MDGA2: variants seen among roughly 807,000 people sequenced by gnomAD.
MDGA2 encodes MAM domain containing glycosylphosphatidylinositol anchor 2.
In MDGA2, 40 loss-of-function variants were observed where a neutral mutation model predicts 117.8. The ratio of observed to expected loss-of-function variants is 0.34; its 90% CI spans 0.26 to 0.44. MDGA2 has a LOEUF of 0.44. Ranked by LOEUF, MDGA2 falls within the 20% of genes least tolerant of loss-of-function variation. The probability of loss-of-function intolerance (pLI) is 1.00; values close to 1 mark genes in which losing one functional copy is unlikely to be tolerated. For synonymous variants in MDGA2, 452 were observed against 439.0 expected (o/e 1.03, Z -0.37); for missense variants, 1,123 against 1,250.6 (o/e 0.90, Z 1.54).
At chr14:47,318,416 T>C (rs1421515914) in intron 1 of MDGA2, among the ~76,000 whole-genome samples, 1 of 152,206 alleles carries the variant, frequency 6.6e-6, no homozygotes, top group South Asian at 2.1e-4. Context: ...TCTAATTGCT[T>C]ACCTAAAACT....
intron 2 of MDGA2, among the ~76,000 whole-genome samples, chr14:47,254,895 A>T (rs982574220): frequency 6.6e-6 from 1 of 152,246 alleles, no homozygotes; most frequent in African/African-American, 2.4e-5. Context: ...TCTTCTTCAC[A>T]TAGCAGCAGG....
intron 2 of MDGA2, among the ~76,000 whole-genome samples, chr14:47,284,638 CAT>C (rs1458752995): frequency 6.6e-6 from 1 of 152,128 alleles, no homozygotes; most frequent in Non-Finnish European, 1.5e-5. Flanking sequence ...ATCATTTGTA[CAT>C]GTGTCAGCCT....
chr14:46,866,680 C>T (rs1783022235), intron 14 of MDGA2, among the ~76,000 whole-genome samples: 1 of 148,978 alleles, frequency 6.7e-6, no homozygotes, highest in Admixed American at 6.7e-5. Flanking sequence ...ACAATGAACT[C>T]AAACAAATTT....
intron 1 of MDGA2, among the ~76,000 whole-genome samples, chr14:47,577,953 G>C (rs1020244373): frequency 6.6e-6 from 1 of 152,038 alleles, no homozygotes; most frequent in Non-Finnish European, 1.5e-5. Flanking sequence ...CCATCCTACG[G>C]CAAAGACACA....
At chr14:47,283,290 A>G (rs899849890) in intron 2 of MDGA2, among the ~76,000 whole-genome samples, 1 of 152,242 alleles carries the variant, frequency 6.6e-6, no homozygotes, top group African/African-American at 2.4e-5. Context: ...CTCTACCTTC[A>G]AGAAAAGTAA....
chr14:46,950,795 C>CAATAAATA (rs149725598), intron 9 of MDGA2, among the ~76,000 whole-genome samples: 1 of 150,856 alleles, frequency 6.6e-6, no homozygotes, highest in Admixed American at 6.6e-5. Flanking sequence ...AGCTGAATAG[C>CAATAAATA]AATAAATAAA....
At chr14:47,067,322 A>C (rs1890121982) in intron 6 of MDGA2, among the ~76,000 whole-genome samples, 1 of 152,226 alleles carries the variant, frequency 6.6e-6, no homozygotes, top group Non-Finnish European at 1.5e-5. Flanking sequence ...TTTGGGAAAC[A>C]ATGACCTAAG....
intron 1 of MDGA2, among the ~76,000 whole-genome samples, chr14:47,558,900 AG>A (rs1212312227): frequency 6.6e-6 from 1 of 152,186 alleles, no homozygotes; most frequent in East Asian, 1.9e-4. Context: ...GAAGTAAAAT[AG>A]GCAGCTATAA....
intron 3 of MDGA2, among the ~76,000 whole-genome samples, chr14:47,172,761 T>C (rs1261497150): frequency 6.6e-6 from 1 of 152,214 alleles, no homozygotes; most frequent in African/African-American, 2.4e-5. Flanking sequence ...TCCAAAGGAA[T>C]GCAGTTCCTC....
intron 3 of MDGA2, among the ~76,000 whole-genome samples, chr14:47,199,030 A>G (rs1183475271): frequency 6.6e-6 from 1 of 152,120 alleles, no homozygotes; most frequent in Non-Finnish European, 1.5e-5. Context: ...ACTCTGCCTA[A>G]GTTTCCATCC....
chr14:47,559,591 T>TA (rs1895756000), intron 1 of MDGA2, among the ~76,000 whole-genome samples: 1 of 151,044 alleles, frequency 6.6e-6, no homozygotes, highest in Non-Finnish European at 1.5e-5. Context: ...TTTTTTTTTT[T>TA]AGACAAAGTC....
At chr14:46,873,946 A>G in intron 13 of MDGA2, 99 bp downstream of exon 13, 1 of 1,060,546 alleles carries the variant, frequency 9.4e-7, no homozygotes, top group Non-Finnish European at 1.3e-6. Flanking sequence ...ATTTTATTCC[A>G]TAATCTTCAA....
intron 11 of MDGA2, among the ~76,000 whole-genome samples, chr14:46,878,518 A>G (rs147108105): frequency 4.5e-4 from 69 of 152,202 alleles, no homozygotes; most frequent in Non-Finnish European, 7.9e-4. Context: ...AAATATTCAT[A>G]TATAATTGCA....
At chr14:47,496,449 G>C (rs899815593) in intron 1 of MDGA2, among the ~76,000 whole-genome samples, 3 of 151,994 alleles carry the variant, frequency 2.0e-5, no homozygotes, top group Non-Finnish European at 2.9e-5. Context: ...AGGCTATGTT[G>C]CCCAGACTGG....
In MDGA2 at chr14:47,372,055, T is replaced by G. The variant is rs529745552; in HGVS notation, c.281-70505A>C. Reference sequence around the variant, plus strand: ...TAGAAAAGGAACTAAGCAAAAAATGTTGGATATTGCATTAACATCAGGAAT... The same window carrying G: ...TAGAAAAGGAACTAAGCAAAAAATGGTGGATATTGCATTAACATCAGGAAT... On this transcript the variant is annotated intron_variant, in intron 1 of 16. Coordinates refer to ENST00000399232, the MANE Select transcript of MDGA2 (RefSeq NM_001113498.3). 2.0e-5 allele frequency among the ~76,000 whole-genome samples: 3 copies of G among 151,820 alleles called. No individual in the cohort carries two copies. The South Asian group carries it at 6.2e-4, about 31-fold the overall frequency.
chr14:47,587,384 T>C (rs540242980), intron 1 of MDGA2, among the ~76,000 whole-genome samples: 2 of 151,998 alleles, frequency 1.3e-5, no homozygotes, highest in African/African-American at 4.8e-5. Flanking sequence ...CATGTTAAAA[T>C]TGAAAAAATA....
chr14:47,501,548 G>A (rs1894400567), intron 1 of MDGA2, among the ~76,000 whole-genome samples: 1 of 152,146 alleles, frequency 6.6e-6, no homozygotes, highest in African/African-American at 2.4e-5. Context: ...CAATACCTCA[G>A]AATGTGGGCT....
At chr14:47,612,594 T>C (rs1896871943) in intron 1 of MDGA2, among the ~76,000 whole-genome samples, 1 of 152,196 alleles carries the variant, frequency 6.6e-6, no homozygotes, top group South Asian at 2.1e-4. Flanking sequence ...ACAGCATTTA[T>C]AACGTAATTT....
rs539169123 is a variant in MDGA2 at position 47,202,543 on chromosome 14, A to G, written c.595+15478T>C. ...CTATAACCTAGCATGCCATTTGTCGATAGGAATTAAGAGCTGACCTTCCTG... is the reference window on the plus strand; with the variant it reads ...CTATAACCTAGCATGCCATTTGTCGGTAGGAATTAAGAGCTGACCTTCCTG... On this transcript the variant is annotated intron_variant, in intron 3 of 16. Transcript: ENST00000399232. Among the ~76,000 whole-genome samples, 198 of 151,490 alleles carry G rather than the reference A, an allele frequency of 1.3e-3. 1 individual carries two copies. Among genetic ancestry groups the G allele is most frequent in the Admixed American group, 2.4e-3 (37 of 15,256 alleles).
Sources: allele counts gnomAD v4.1 joint callset (sites outside exome capture counted in the v4.1 genomes callset), GRCh38; gene constraint gnomAD v4.1.1; transcripts MANE v1.5; gene names NCBI Gene and HGNC (gene_info 2026-07-23, HGNC 2026-07-21).